The following CPS1 variants were observed in gnomAD, a reference collection of about 807,000 sequenced individuals.
CPS1 encodes the protein carbamoyl-phosphate synthase [ammonia], mitochondrial.
In CPS1, 109 loss-of-function variants were observed where a neutral mutation model predicts 174.6. That is an observed-to-expected ratio of 0.62 (90% confidence interval 0.53 to 0.73). CPS1 has a LOEUF of 0.73. Among genes scored for constraint, CPS1 ranks in the 30% least tolerant of loss-of-function variants. The probability of loss-of-function intolerance (pLI) is 0.00; values close to 1 mark genes in which losing one functional copy is unlikely to be tolerated. For synonymous variants in CPS1, 637 were observed against 632.0 expected (o/e 1.01, Z -0.12); for missense variants, 1,689 against 1,821.9 (o/e 0.93, Z 1.33).
chr2:210,594,696 T>TA, intron 12 of CPS1, 90 bp downstream of exon 12: 1 of 846,588 alleles, frequency 1.2e-6, no homozygotes, highest in Non-Finnish European at 2.0e-6. Flanking sequence ...TAAGGCATAC[T>TA]AGTGTTTAAT....
intron 1 of CPS1, among the ~76,000 whole-genome samples, chr2:210,511,568 A>C (rs1054794862): frequency 1.3e-5 from 2 of 152,086 alleles, no homozygotes; most frequent in African/African-American, 4.8e-5. Context: ...TCACAGGGCA[A>C]ATGTCCATGG....
chr2:210,485,416 T>C (rs972679654), intron 1 of CPS1, among the ~76,000 whole-genome samples: 2 of 152,188 alleles, frequency 1.3e-5, no homozygotes, highest in Admixed American at 1.3e-4. Context: ...CATTTATAAT[T>C]CCTCCTTCCT....
At chr2:210,660,285 T>C (rs1417698101) in intron 31 of CPS1, among the ~76,000 whole-genome samples, 200 bp from the exon 32 acceptor site, 1 of 151,948 alleles carries the variant, frequency 6.6e-6, no homozygotes, top group Non-Finnish European at 1.5e-5. Flanking sequence ...GAAAAAGGCA[T>C]GAAAGAAAGT....
At chr2:210,605,830 T>G (rs1446063061) in intron 17 of CPS1, among the ~76,000 whole-genome samples, 1 of 151,872 alleles carries the variant, frequency 6.6e-6, no homozygotes, top group Non-Finnish European at 1.5e-5. Flanking sequence ...GTTGTAGGCA[T>G]AGACAAAGTA....
At chr2:210,621,664 G>T (rs1272261647) in intron 21 of CPS1, among the ~76,000 whole-genome samples, 1 of 152,034 alleles carries the variant, frequency 6.6e-6, no homozygotes, top group Non-Finnish European at 1.5e-5. Context: ...GTCATGTAAA[G>T]ATCTCCTGCC....
chr2:210,550,483 C>T (rs2106025731), intron 1 of CPS1, among the ~76,000 whole-genome samples: 1 of 152,050 alleles, frequency 6.6e-6, no homozygotes, highest in South Asian at 2.1e-4. Flanking sequence ...CTCTGAGACT[C>T]ATCATTATTG....
At chr2:210,603,336 G>C (rs1434907956) in intron 16 of CPS1, among the ~76,000 whole-genome samples, 1 of 151,840 alleles carries the variant, frequency 6.6e-6, no homozygotes, top group African/African-American at 2.4e-5. Flanking sequence ...AAACAGATAA[G>C]TACAATTCAG....
chr2:210,663,124 C>T lies in CPS1; in HGVS notation c.3929C>T (p.Ala1310Val), dbSNP rs754640229. The change falls in exon 33 of 38, where the codon GCT becomes GTT. Residue 1310 changes from alanine (A) to valine (V), a missense_variant and splice_region_variant. Coordinates refer to ENST00000233072, the MANE Select transcript of CPS1 (RefSeq NM_001875.5). ...IIPADYVAIK[A>V]PMFSWPRLRD... is the part of the protein sequence containing the mutation. ...CCCTGTTTTTTTTTTTTCCAACAGG[C>T]TCCCATGTTTTCCTGGCCCCGGTTG... is the stretch of plus-strand genomic sequence containing the variant. 5 of 1,612,276 alleles carry T rather than the reference C, an allele frequency of 3.1e-6. No homozygotes were observed. The highest frequency in any genetic ancestry group is 4.2e-6 in the Non-Finnish European group (5 of 1,179,636).
At chr2:210,636,654 T>G (rs1396935535) in intron 21 of CPS1, among the ~76,000 whole-genome samples, 1 of 151,990 alleles carries the variant, frequency 6.6e-6, no homozygotes, top group Non-Finnish European at 1.5e-5. Flanking sequence ...CATGCTAAAC[T>G]GTATGATTCT....
At chr2:210,496,821 C>G (rs1224745502) in intron 1 of CPS1, among the ~76,000 whole-genome samples, 1 of 152,142 alleles carries the variant, frequency 6.6e-6, no homozygotes, top group African/African-American at 2.4e-5. Context: ...TCAGCAACAT[C>G]CTTCCTGGTC....
At chr2:210,515,872 C>T (rs1262753818) in intron 1 of CPS1, among the ~76,000 whole-genome samples, 1 of 151,682 alleles carries the variant, frequency 6.6e-6, no homozygotes, top group Non-Finnish European at 1.5e-5. Context: ...GCTTTTGCTG[C>T]ATCACAGAGA....
chr2:210,495,939 C>T (rs1466668295), intron 1 of CPS1, among the ~76,000 whole-genome samples: 1 of 150,580 alleles, frequency 6.6e-6, no homozygotes, highest in Non-Finnish European at 1.5e-5. Context: ...TTCTTTTTTT[C>T]CTCCCTCTCT....
chr2:210,501,969 C>G (rs1695150016), intron 1 of CPS1, among the ~76,000 whole-genome samples: 1 of 152,174 alleles, frequency 6.6e-6, no homozygotes, highest in Non-Finnish European at 1.5e-5. Context: ...ACTCACAGTT[C>G]CACATGGCTG....
At chr2:210,649,368 T>C (rs2105909892) in intron 27 of CPS1, among the ~76,000 whole-genome samples, 2 of 152,306 alleles carry the variant, frequency 1.3e-5, no homozygotes, top group South Asian at 4.1e-4. Context: ...ATCACACTTC[T>C]TTTTCCTTTT....
At chr2:210,563,487 C>CT (rs1336381132) in intron 1 of CPS1, among the ~76,000 whole-genome samples, 1 of 152,124 alleles carries the variant, frequency 6.6e-6, no homozygotes, top group Non-Finnish European at 1.5e-5. Context: ...GTTTCTTCCT[C>CT]TTATAGTCCT....
intron 17 of CPS1, among the ~76,000 whole-genome samples, chr2:210,605,883 C>A (rs553962481): frequency 6.6e-6 from 1 of 151,826 alleles, no homozygotes; most frequent in African/African-American, 2.4e-5. Flanking sequence ...TAGGGTTGAA[C>A]TTTGAACTCT....
chr2:210,605,635 G>C (rs374785513), intron 17 of CPS1, among the ~76,000 whole-genome samples: 5 of 151,956 alleles, frequency 3.3e-5, no homozygotes, highest in African/African-American at 1.2e-4. Flanking sequence ...TTTCAGAAAA[G>C]TACACTAGTT....
At chr2:210,594,472 T>A (rs776074886) in intron 11 of CPS1, 36 bp from the exon 12 acceptor site, 1 of 1,441,368 alleles carries the variant, frequency 6.9e-7, no homozygotes, top group Admixed American at 1.7e-5. Context: ...TTAGGAATTT[T>A]GAAGCTTCTA....
At position 210,582,613 on chromosome 2, in the gene CPS1, A is replaced by T. The variant is rs191182348; in HGVS notation, c.529-4A>T. 5.1e-4 allele frequency: 827 copies of T among 1,610,076 alleles called. 1 individual carries two copies. The African/African-American group carries it at 0.01, about 20-fold the overall frequency. On this transcript the variant is annotated splice_polypyrimidine_tract_variant and splice_region_variant and intron_variant, in intron 5 of 37. Coordinates refer to ENST00000233072, the MANE Select transcript of CPS1 (RefSeq NM_001875.5). ...TTAACTGTCTAATTTTTTTAATTTG[A>T]TAGGGTACCATGCTTGGGAAGATTG...
Sources: gnomAD v4.1 joint callset for allele counts (sites outside exome capture counted in the v4.1 genomes callset) on GRCh38, gnomAD v4.1.1 for gene constraint, MANE v1.5 for transcripts, NCBI Gene and HGNC (gene_info 2026-07-23, HGNC 2026-07-21) for gene names.